The following LARP4B variants were observed in gnomAD, a reference collection of about 807,000 sequenced individuals.
LARP4B encodes the protein la-related protein 4B.
In LARP4B, 12 loss-of-function variants were observed where a neutral mutation model predicts 89.8. That is an observed-to-expected ratio of 0.13 (90% CI 0.09 to 0.22). The LOEUF is 0.22. LARP4B is among the 10% of genes least tolerant of loss of function. LARP4B has a pLI of 1.00. For missense variants in LARP4B, 757 were observed against 947.7 expected (o/e 0.80, Z 2.64); for synonymous variants, 367 against 363.3 (o/e 1.01, Z -0.12).
upstream of LARP4B, among the ~76,000 whole-genome samples, chr10:932,614 A>C (rs1257664755): frequency 1.6e-4 from 4 of 25,422 alleles, no homozygotes; most frequent in Non-Finnish European, 2.2e-4. Flanking sequence ...CGAACGCCCC[A>C]CCCGGGACCC....
chr10:826,890 G>A (rs147654683), intron 11 of LARP4B, among the ~76,000 whole-genome samples: 3 of 152,342 alleles, frequency 2.0e-5, no homozygotes, highest in African/African-American at 7.2e-5. Flanking sequence ...TATAGCTTAG[G>A]ACTAAAATAA....
At chr10:842,055 T>C (rs930472847) in intron 7 of LARP4B, among the ~76,000 whole-genome samples, 7 of 151,994 alleles carry the variant, frequency 4.6e-5, no homozygotes, top group African/African-American at 1.7e-4. Context: ...TATGTGAGTA[T>C]AGGCAGTGGA....
In LARP4B at chr10:814,076, C is replaced by G. The variant is rs1831888692; in HGVS notation, c.1929+666G>C. Among the ~76,000 whole-genome samples, 1 of 152,010 alleles carries G rather than the reference C, an allele frequency of 6.6e-6. No homozygotes were observed. The highest frequency in any genetic ancestry group is 1.5e-5 in the Non-Finnish European group (1 of 68,002). ...TCGGCCTCCCAAAGTGCTGGGATTA[C>G]AGGCGTGAGCCACAGCACCTGGCCT... On this transcript the variant is annotated intron_variant, in intron 17 of 17. Transcript: ENST00000316157. This position sits in a 1 kb window ranked among gnomAD's most constrained non-coding sequence, Gnocchi z 4.4.
intron 1 of LARP4B, among the ~76,000 whole-genome samples, chr10:896,054 CAGG>C (rs1470219330): frequency 5.3e-5 from 8 of 152,246 alleles, no homozygotes; most frequent in African/African-American, 1.7e-4. Context: ...GCTGCCCATG[CAGG>C]AGAAGCATCT....
intron 6 of LARP4B, among the ~76,000 whole-genome samples, chr10:843,591 C>T (rs756860632): frequency 2.6e-5 from 4 of 151,870 alleles, no homozygotes; most frequent in Admixed American, 6.6e-5. Context: ...CCCAGCTACT[C>T]GGGAGGCTCA....
chr10:840,639 C>T (rs1412734159), intron 7 of LARP4B, among the ~76,000 whole-genome samples: 1 of 152,050 alleles, frequency 6.6e-6, no homozygotes, highest in Non-Finnish European at 1.5e-5. Context: ...TGAAAACAGC[C>T]CTTGACTCAG....
Position 844,958 on chromosome 10 carries a change from A to C in LARP4B, c.509+19T>G. On this transcript the variant is annotated intron_variant, in intron 6 of 17. Transcript: ENST00000316157. ...ATACTAGAAATATCAGGTACTAGAA[A>C]AACCACCACCAGCCTTACCTAGATA... 6.3e-7 allele frequency: 1 copy of C among 1,587,450 alleles called. No homozygotes were observed. The highest frequency in any genetic ancestry group is 1.1e-5 in the South Asian group (1 of 89,332).
intron 14 of LARP4B, chr10:820,441 T>C (rs1832293503): frequency 9.4e-6 from 2 of 211,758 alleles, no homozygotes; most frequent in East Asian, 2.2e-4. Flanking sequence ...CTCATTGAAA[T>C]GAATGGCTCC....
intron 5 of LARP4B, among the ~76,000 whole-genome samples, chr10:859,187 G>A (rs1055159032): frequency 1.3e-5 from 2 of 151,620 alleles, no homozygotes; most frequent in Non-Finnish European, 2.9e-5. Context: ...GCTGAGGCAG[G>A]AGAATTGCTT....
intron 1 of LARP4B, among the ~76,000 whole-genome samples, chr10:917,994 T>C (rs867504095): frequency 2.3e-4 from 35 of 152,206 alleles, no homozygotes; most frequent in African/African-American, 8.2e-4. Context: ...GCCTTAACCA[T>C]TGTGTTTGAG....
In LARP4B at chr10:908,034, C is replaced by T. The variant is rs151180465; in HGVS notation, c.-39-22274G>A. Among the ~76,000 whole-genome samples the T allele has an allele frequency of 6.9e-3, 1,047 of 152,248 alleles. 24 individuals carry two copies. Among genetic ancestry groups the T allele is most frequent in the African/African-American group, 0.023 (959 of 41,540 alleles). On this transcript the variant is annotated intron_variant, in intron 1 of 17. Transcript: ENST00000316157. ...CAGCCTGGCCAACATGGTGAAACCC[C>T]ATCTCTACTAAAAATACAAAAATTA...
chr10:908,520 G>C (rs1003884144), intron 1 of LARP4B, among the ~76,000 whole-genome samples: 1 of 151,224 alleles, frequency 6.6e-6, no homozygotes. Context: ...CAGTCTTGTA[G>C]GGATGAGCCC....
At chr10:947,699 G>A in the LARP4B span, among the ~76,000 whole-genome samples, 3 of 152,126 alleles carry the variant, frequency 2.0e-5, no homozygotes, top group African/African-American at 4.8e-5. Context: ...TCGGCTCACC[G>A]CAACCTCCGC....
intron 17 of LARP4B, among the ~76,000 whole-genome samples, chr10:813,656 T>C (rs1399975577): frequency 6.6e-6 from 1 of 152,214 alleles, no homozygotes; most frequent in Non-Finnish European, 1.5e-5. Context: ...ATAAAAATGT[T>C]TTGCACATTT....
At position 929,632 on chromosome 10, in the gene LARP4B, T is replaced by C. The variant is rs1390741955; in HGVS notation, c.-40+1796A>G. Among the ~76,000 whole-genome samples the C allele has an allele frequency of 4.0e-5, 6 of 151,872 alleles. No individual in the cohort carries two copies. In the East Asian group the frequency reaches 7.7e-4, roughly 20 times the overall value. On this transcript the variant is annotated intron_variant, in intron 1 of 17. Transcript: ENST00000316157. Reference sequence around the variant, plus strand: ...AGAAAAAAATCAGTAATAGTGAAAATAGCAAAACCAGACAACATTTCCATG... The same window carrying C: ...AGAAAAAAATCAGTAATAGTGAAAACAGCAAAACCAGACAACATTTCCATG...
chr10:913,041 C>G (rs1836715005), intron 1 of LARP4B, among the ~76,000 whole-genome samples: 1 of 151,312 alleles, frequency 6.6e-6, no homozygotes, highest in African/African-American at 2.4e-5. Flanking sequence ...TTGCTTGATG[C>G]TTTTCCTGGC....
chr10:871,448 G>C (rs1441252548), intron 3 of LARP4B, among the ~76,000 whole-genome samples: 2 of 152,030 alleles, frequency 1.3e-5, no homozygotes, highest in Non-Finnish European at 2.9e-5. Context: ...CTGTGTTGCA[G>C]CCTCATCTGC....
At chr10:941,124 A>T in the LARP4B span, among the ~76,000 whole-genome samples, 1 of 152,148 alleles carries the variant, frequency 6.6e-6, no homozygotes, top group African/African-American at 2.4e-5. Flanking sequence ...AGGTGCTTGG[A>T]GGAGGACGGA....
chr10:847,694 T>A (rs908668028), intron 5 of LARP4B, among the ~76,000 whole-genome samples: 1 of 151,760 alleles, frequency 6.6e-6, no homozygotes, highest in African/African-American at 2.4e-5. Flanking sequence ...GCCCAGCTAA[T>A]TTTTTTTGGT....
Sources: gnomAD v4.1 joint callset for allele counts (sites outside exome capture counted in the v4.1 genomes callset) on GRCh38, gnomAD v4.1.1 for gene constraint, Gnocchi (gnomAD v3.1) non-coding constraint, MANE v1.5 for transcripts, NCBI Gene and HGNC (gene_info 2026-07-23, HGNC 2026-07-21) for gene names.